The following PTBP3 variants were observed in gnomAD, a reference collection of about 807,000 sequenced individuals.
PTBP3 encodes polypyrimidine tract-binding protein 3.
PTBP3 carries 20 observed loss-of-function variants against 58.7 expected under a neutral mutation model. The observed-to-expected ratio is 0.34, with a 90% CI of 0.24 to 0.50. The LOEUF is 0.50. PTBP3 is among the 20% of genes least tolerant of loss of function. The pLI, the probability that PTBP3 is intolerant of heterozygous loss-of-function variation, is 0.98. For synonymous variants in PTBP3, 185 were observed against 219.8 expected, an observed-to-expected ratio of 0.84 and a Z score of 1.40; for missense variants, 509 against 637.2, an observed-to-expected ratio of 0.80 and a Z score of 2.17.
intron 2 of PTBP3, among the ~76,000 whole-genome samples, chr9:112,283,563 T>C (rs1008748535): frequency 7.9e-5 from 12 of 152,168 alleles, no homozygotes; most frequent in Non-Finnish European, 1.5e-4. Flanking sequence ...CAATAGGTGA[T>C]AGAGCATAAA....
chr9:112,234,664 G>A (rs1835372908), intron 8 of PTBP3, among the ~76,000 whole-genome samples, 156 bp downstream of exon 8: 1 of 152,174 alleles, frequency 6.6e-6, no homozygotes, highest in African/African-American at 2.4e-5. Flanking sequence ...TAACAAGGAA[G>A]CTATATATCA....
intron 5 of PTBP3, among the ~76,000 whole-genome samples, chr9:112,256,043 CAGG>C (rs1355725181): frequency 6.6e-6 from 1 of 151,872 alleles, no homozygotes; most frequent in African/African-American, 2.4e-5. Flanking sequence ...CACCTGAAGT[CAGG>C]AGTTCAAGAC....
chr9:112,230,568 G>C (rs1748256456), intron 10 of PTBP3, among the ~76,000 whole-genome samples: 1 of 151,960 alleles, frequency 6.6e-6, no homozygotes, highest in African/African-American at 2.4e-5. Context: ...TGAAACCCCT[G>C]CATTTAGATT....
At chr9:112,301,986 C>G (rs1828954763) in intron 1 of PTBP3, among the ~76,000 whole-genome samples, 1 of 152,170 alleles carries the variant, frequency 6.6e-6, no homozygotes, top group Non-Finnish European at 1.5e-5. Context: ...TCTTCACTAA[C>G]AGTCATCACT....
chr9:112,224,751 T>G (rs765069723), intron 12 of PTBP3, among the ~76,000 whole-genome samples: 1 of 152,204 alleles, frequency 6.6e-6, no homozygotes, highest in Non-Finnish European at 1.5e-5. Context: ...TTGGATACTG[T>G]AGAAATGACA....
chr9:112,294,642 T>C (rs1292392963), intron 2 of PTBP3, among the ~76,000 whole-genome samples: 1 of 152,238 alleles, frequency 6.6e-6, no homozygotes, highest in Non-Finnish European at 1.5e-5. Flanking sequence ...GTTATTCAAC[T>C]CATTTATGGA....
intron 2 of PTBP3, chr9:112,281,485 T>C (rs1361587913): frequency 1.3e-5 from 2 of 152,170 alleles, no homozygotes; most frequent in Non-Finnish European, 2.9e-5. Flanking sequence ...ATTTAATATC[T>C]TGCTAAACAT....
At chr9:112,255,745 C>T (rs556863513) in intron 5 of PTBP3, among the ~76,000 whole-genome samples, 4 of 152,226 alleles carry the variant, frequency 2.6e-5, no homozygotes, top group Admixed American at 2.0e-4. Flanking sequence ...ATGTAGTTGC[C>T]TATAGTTCTC....
intron 1 of PTBP3, among the ~76,000 whole-genome samples, chr9:112,309,131 C>A (rs1829363121): frequency 6.6e-6 from 1 of 152,018 alleles, no homozygotes; most frequent in Non-Finnish European, 1.5e-5. Flanking sequence ...TTTAATCTAT[C>A]AAGATACTAC....
intron 5 of PTBP3, among the ~76,000 whole-genome samples, chr9:112,253,557 A>T (rs1836220437): frequency 6.6e-6 from 1 of 152,040 alleles, no homozygotes; most frequent in South Asian, 2.1e-4. Context: ...TAAAACAACA[A>T]CATATTTAGT....
At chr9:112,375,406 A>G in the PTBP3 span, among the ~76,000 whole-genome samples, 2 of 152,202 alleles carry the variant, frequency 1.3e-5, no homozygotes, top group African/African-American at 4.8e-5. Context: ...CACTGGGAAG[A>G]TTTCCCTTTA....
rs1834783426 is a variant in PTBP3, at chr9:112,220,862, CT to C, written c.*2988del. ...GACACCTTGAAAAGTGATGACAATA[CT>C]CCTTAAAAATAAAATAAACTTAAAA... On this transcript the variant is annotated 3_prime_UTR_variant, in exon 14 of 14. Transcript: ENST00000374257. 1 of 967,678 alleles carries C rather than the reference CT, an allele frequency of 1.0e-6. No homozygotes were observed. The highest frequency in any genetic ancestry group is 6.2e-5 in the Admixed American group (1 of 16,232). 59.9% of individuals were successfully genotyped at this position (967,678 alleles called of 1,614,324 possible).
At chr9:112,373,980 G>T in the PTBP3 span, among the ~76,000 whole-genome samples, 1 of 151,472 alleles carries the variant, frequency 6.6e-6, no homozygotes, top group Non-Finnish European at 1.5e-5. Context: ...GCAGGTCGTG[G>T]TTTTTTTTTC....
chr9:112,296,694 T>C (rs963445373), intron 2 of PTBP3, among the ~76,000 whole-genome samples: 12 of 152,204 alleles, frequency 7.9e-5, no homozygotes, highest in African/African-American at 2.2e-4. Flanking sequence ...TCATTTCCAT[T>C]TGGATGTTCC....
intron 1 of PTBP3, among the ~76,000 whole-genome samples, chr9:112,322,739 T>C (rs1378493533): frequency 6.6e-6 from 1 of 152,194 alleles, no homozygotes; most frequent in African/African-American, 2.4e-5. Context: ...AGGACACAGA[T>C]TTTGGAATTA....
chr9:112,307,685 C>A (rs1829280566), intron 1 of PTBP3, among the ~76,000 whole-genome samples: 1 of 152,178 alleles, frequency 6.6e-6, no homozygotes, highest in African/African-American at 2.4e-5. Flanking sequence ...CCACAATTTT[C>A]TAGCCAAGTT....
chr9:112,375,341 C>T, the PTBP3 span, among the ~76,000 whole-genome samples: 1 of 152,218 alleles, frequency 6.6e-6, no homozygotes, highest in Non-Finnish European at 1.5e-5. Flanking sequence ...ATACATCTGG[C>T]CATTTCTCCT....
chr9:112,359,447 A>G, the PTBP3 span, among the ~76,000 whole-genome samples: 1 of 151,942 alleles, frequency 6.6e-6, no homozygotes, highest in Non-Finnish European at 1.5e-5. Context: ...CTCTGTCTCA[A>G]AAAGAAAAAA....
rs201921394 is a variant in PTBP3, at chr9:112,234,904, G to C, written c.803-7C>G. On this transcript the variant is annotated splice_region_variant and splice_polypyrimidine_tract_variant and intron_variant, in intron 7 of 13. Transcript: ENST00000374257. Reference sequence around the variant, plus strand: ...GAAATTATACCCGGTGCACCTAATGGGAAAGAGAAGCTAAAGTAAACACAC... The same window carrying C: ...GAAATTATACCCGGTGCACCTAATGCGAAAGAGAAGCTAAAGTAAACACAC... 1.6e-5 allele frequency: 26 copies of C among 1,605,558 alleles called. No individual in the cohort carries two copies. The highest frequency in any genetic ancestry group is 2.1e-5 in the Non-Finnish European group (25 of 1,173,612).
Sources: gnomAD v4.1 joint callset for allele counts (sites outside exome capture counted in the v4.1 genomes callset) on GRCh38, gnomAD v4.1.1 for gene constraint, MANE v1.5 for transcripts, NCBI Gene and HGNC (gene_info 2026-07-23, HGNC 2026-07-21) for gene names.